NEU4: variants seen among roughly 807,000 people sequenced by gnomAD.
NEU4 encodes the protein sialidase-4.
In NEU4, 7 loss-of-function variants were observed where a neutral mutation model predicts 9.9. That is an observed-to-expected ratio of 0.71 (90% confidence interval 0.40 to 1.33). NEU4 has a LOEUF of 1.33. NEU4 is among the 40% of genes most tolerant of loss of function. The pLI is 0.01. For synonymous variants in NEU4, 348 were observed against 316.9 expected, an observed-to-expected ratio of 1.10 and a Z score of -1.04; for missense variants, 717 against 712.6, an observed-to-expected ratio of 1.01 and a Z score of -0.07.
chr2:241,811,294 TG>T, intron 1 of NEU4: 1 of 1,303,236 alleles, frequency 7.7e-7, no homozygotes, highest in Non-Finnish European at 9.8e-7. Context: ...GGCCCTGCTC[TG>T]GGCTTCAGTG....
chr2:241,816,486 T>C lies in NEU4; in HGVS notation c.893T>C (p.Val298Ala), dbSNP rs763516518. 51 of 1,609,738 alleles carry C rather than the reference T, an allele frequency of 3.2e-5. No individual in the cohort carries two copies. The highest frequency in any genetic ancestry group is 4.3e-5 in the Non-Finnish European group (51 of 1,179,024). ...PNRPRDDSWSVGPGSPLQPPL... is the reference protein window; with the variant it reads ...PNRPRDDSWSAGPGSPLQPPL... ...AGGCCACGGGATGACAGTTGGTCAG[T>C]GGGCCCCGGGAGTCCCCTCCAGCCT... The change falls in exon 4 of 4, where the codon GTG (valine) becomes GCG (alanine). Residue 298 changes from valine (V) to alanine (A), a missense_variant. By Grantham distance (64) the Val-to-Ala change is moderately conservative. Transcript: ENST00000407683.
At chr2:241,811,555 C>G (rs902162435) in intron 1 of NEU4, 7 of 1,163,474 alleles carry the variant, frequency 6.0e-6, no homozygotes, top group Middle Eastern at 2.7e-4. Flanking sequence ...TCCAGCTGGC[C>G]GCCCCCTCTG....
intron 1 of NEU4, chr2:241,811,296 G>A: frequency 7.7e-7 from 1 of 1,306,176 alleles, no homozygotes; most frequent in Non-Finnish European, 9.8e-7. Flanking sequence ...CCCTGCTCTG[G>A]GCTTCAGTGG....
chr2:241,817,327 C>G lies in NEU4; in HGVS notation c.*279C>G, dbSNP rs1031758306. ...GAGGCTGCAGGGCCAGGCGCGGGACCGCAGGTAGCCCAGGGTGTTGTGGGT... is the reference window on the plus strand; with the variant it reads ...GAGGCTGCAGGGCCAGGCGCGGGACGGCAGGTAGCCCAGGGTGTTGTGGGT... On this transcript the variant is annotated 3_prime_UTR_variant, in exon 4 of 4. Coordinates refer to ENST00000407683, the MANE Select transcript of NEU4 (RefSeq NM_001167600.3). 2.2e-6 allele frequency: 1 copy of G among 455,904 alleles called. No homozygotes were observed. Among genetic ancestry groups the G allele is most frequent in the Non-Finnish European group, 3.8e-6 (1 of 261,762 alleles). 28.2% of individuals were successfully genotyped at this position (455,904 alleles called of 1,614,324 possible). A position where few individuals can be genotyped will look rare whatever the true frequency, so the allele number is the denominator to read the frequency against.
At position 241,816,313 on chromosome 2, in the gene NEU4, T is replaced by C. The variant is rs1351489784; in HGVS notation, c.720T>C (p.Asn240=). Residue 240 remains asparagine, a synonymous_variant, in exon 4 of 4, where the codon AAT becomes AAC. Coordinates refer to ENST00000407683, the MANE Select transcript of NEU4 (RefSeq NM_001167600.3). ...GGQAGSFLYC[N]ARSPLGSRVQ... is the part of the protein sequence containing the mutation. ...AGGCCGGCAGCTTCCTCTACTGCAATGCCCGGAGCCCACTGGGCAGCCGTG... is the reference window on the plus strand; with the variant it reads ...AGGCCGGCAGCTTCCTCTACTGCAACGCCCGGAGCCCACTGGGCAGCCGTG... 2.5e-6 allele frequency: 4 copies of C among 1,577,264 alleles called. No individual in the cohort carries two copies. Among genetic ancestry groups the C allele is most frequent in the Admixed American group, 1.8e-5 (1 of 55,406 alleles).
chr2:241,809,588 G>C (rs1700048717), intron 1 of NEU4: 1 of 322,106 alleles, frequency 3.1e-6, no homozygotes, highest in Non-Finnish European at 6.0e-6. Context: ...GCCCCAGATG[G>C]GCCCAGGGAC....
chr2:241,814,064 G>A (rs1420193429), intron 1 of NEU4: 6 of 469,774 alleles, frequency 1.3e-5, no homozygotes, highest in African/African-American at 5.9e-5. Context: ...CTCCTTGCTC[G>A]AGGTTTTGGG....
chr2:241,815,177 C>A, intron 3 of NEU4, 30 bp downstream of exon 3: 2 of 1,508,298 alleles, frequency 1.3e-6, no homozygotes, highest in East Asian at 2.3e-5. Context: ...GTCTGGGTCC[C>A]TTTGATTGGC....
chr2:241,809,477 T>C (rs1057048728), intron 1 of NEU4: 2 of 354,452 alleles, frequency 5.6e-6, no homozygotes, highest in South Asian at 4.2e-5. Context: ...GTCCCAGCCT[T>C]CCGTGTGATG....
intron 1 of NEU4, chr2:241,811,075 T>A (rs1700099024): frequency 8.7e-7 from 1 of 1,147,016 alleles, no homozygotes; most frequent in African/African-American, 1.6e-5. Flanking sequence ...GGAGCCCTCC[T>A]GGCAGGGCCG....
At position 241,814,699 on chromosome 2, in the gene NEU4, CG is replaced by C; in HGVS notation, c.201+19del. 1 of 1,538,622 alleles carries C rather than the reference CG, an allele frequency of 6.5e-7. No individual in the cohort carries two copies. The highest frequency in any genetic ancestry group is 1.2e-5 in the South Asian group (1 of 83,690). On this transcript the variant is annotated intron_variant, in intron 2 of 3. Coordinates refer to ENST00000407683, the MANE Select transcript of NEU4 (RefSeq NM_001167600.3). The stretch of plus-strand genomic sequence containing the variant: ...GGCTCCGTGCGGGTGAGTGAGTGGC[CG>C]GGGGCTCTGTGTGGGTGTAGTGGCC...
In NEU4 at chr2:241,816,434, G is replaced by A. The variant is rs372940773; in HGVS notation, c.841G>A (p.Val281Met). The change falls in exon 4 of 4, where the codon GTG (valine) becomes ATG (methionine). Residue 281 changes from valine to methionine, a missense_variant. Physicochemically the swap from Val to Met is conservative, Grantham distance 21 (BLOSUM62 1). Coordinates refer to ENST00000407683, the MANE Select transcript of NEU4 (RefSeq NM_001167600.3). ...TGCCTGGGGCTGCCAGGGCAGCATC[G>A]TGGGCTTCCCAGCCCCCGCCCCCAA... The part of the protein sequence containing the change: ...ETAWGCQGSI[V>M]GFPAPAPNRP... The A allele has an allele frequency of 6.8e-6, 11 of 1,607,382 alleles. No individual in the cohort carries two copies. The highest frequency in any genetic ancestry group is 4.5e-5 in the East Asian group (2 of 44,736).
At chr2:241,810,666 G>T (rs1194164537) in intron 1 of NEU4, 3 of 155,906 alleles carry the variant, frequency 1.9e-5, no homozygotes, top group Non-Finnish European at 2.8e-5. Flanking sequence ...GGTTACCAAG[G>T]CTGCCTCTGA....
In NEU4 at chr2:241,809,240, G is replaced by A. The variant is rs1289809280; in HGVS notation, c.-38G>A. 5 of 1,288,990 alleles carry A rather than the reference G, an allele frequency of 3.9e-6. No individual in the cohort carries two copies. Among genetic ancestry groups the A allele is most frequent in the Non-Finnish European group, 5.1e-6 (5 of 988,624 alleles). The allele number at this position is 1,288,990 out of a possible 1,614,324, so 79.8% of individuals were successfully genotyped here. On this transcript the variant is annotated 5_prime_UTR_variant, in exon 1 of 4. Transcript: ENST00000407683. ...TACAGGAGGGGCACACCGTCCTTTT[G>A]TCTCTGCCTTTGAGGTTGGCGGGAA... is the stretch of plus-strand genomic sequence containing the variant.
rs1307589971 is a variant in NEU4 at position 241,817,226 on chromosome 2, T to G, written c.*178T>G. On this transcript the variant is annotated 3_prime_UTR_variant, in exon 4 of 4. Transcript: ENST00000407683. The stretch of plus-strand genomic sequence containing the variant: ...GCTCTTTAGGAAGGGGAGCAGCGGC[T>G]GGGAGTGAGCAGGGCAGGGTGGGGG... 1.3e-5 allele frequency: 4 copies of G among 305,448 alleles called. No individual in the cohort carries two copies. The highest frequency in any genetic ancestry group is 5.7e-5 in the South Asian group (2 of 35,096). 18.9% of individuals were successfully genotyped at this position (305,448 alleles called of 1,614,324 possible).
At chr2:241,814,229 TGA>T (rs1700224697) in intron 1 of NEU4, 2 of 624,234 alleles carry the variant, frequency 3.2e-6, no homozygotes, top group Admixed American at 5.0e-5. Context: ...AGAGCCGTGT[TGA>T]GAGGGGAAGG....
chr2:241,812,721 GC>G (rs1203995539), intron 1 of NEU4, among the ~76,000 whole-genome samples: 3 of 151,752 alleles, frequency 2.0e-5, no homozygotes, highest in Admixed American at 2.0e-4. Flanking sequence ...GTGTGTGTCA[GC>G]CTTGTCCTCT....
At chr2:241,814,757 GGC>G in intron 2 of NEU4, 72 bp downstream of exon 2, 1 of 1,498,252 alleles carries the variant, frequency 6.7e-7, no homozygotes, top group Non-Finnish European at 8.9e-7. Context: ...CCCGGGATGG[GGC>G]GGGGGTGGCG....
intron 1 of NEU4, among the ~76,000 whole-genome samples, chr2:241,812,584 GT>G (rs1456255795): frequency 3.7e-3 from 238 of 63,944 alleles, no homozygotes; most frequent in African/African-American, 0.012. Flanking sequence ...AGCACGGCTG[GT>G]CCCCCAAGAC....
Sources: gnomAD v4.1 joint callset for allele counts (sites outside exome capture counted in the v4.1 genomes callset) on GRCh38, gnomAD v4.1.1 for gene constraint, MANE v1.5 for transcripts, NCBI Gene and HGNC (gene_info 2026-07-23, HGNC 2026-07-21) for gene names.